Variants in SMC5 observed in about 807,000 individuals in gnomAD.
SMC5 encodes the protein structural maintenance of chromosomes protein 5.
A neutral mutation model predicts 148.3 loss-of-function variants in SMC5; 88 were observed. That is an observed-to-expected ratio of 0.59 (90% confidence interval 0.50 to 0.71). SMC5 has a LOEUF of 0.71. SMC5 is among the 30% of genes least tolerant of loss of function. The pLI is 0.00. For missense variants in SMC5, 1,142 were observed against 1,298.9 expected, an observed-to-expected ratio of 0.88 and a Z score of 1.86; for synonymous variants, 421 against 432.8, an observed-to-expected ratio of 0.97 and a Z score of 0.34.
At chr9:70,291,503 C>T (rs1372937115) in intron 8 of SMC5, among the ~76,000 whole-genome samples, 1 of 152,178 alleles carries the variant, frequency 6.6e-6, no homozygotes, top group African/African-American at 2.4e-5. Flanking sequence ...GCACACAGTC[C>T]TGCTAATGCA....
intron 11 of SMC5, chr9:70,312,135 A>C (rs1194983695): frequency 6.5e-6 from 1 of 153,626 alleles, no homozygotes; most frequent in Non-Finnish European, 1.4e-5. Flanking sequence ...AAAAAAAAAA[A>C]AAAAAAAAAA....
At chr9:70,341,788 G>A (rs1343952164) in intron 17 of SMC5, among the ~76,000 whole-genome samples, 2 of 152,078 alleles carry the variant, frequency 1.3e-5, no homozygotes, top group African/African-American at 4.8e-5. Flanking sequence ...TACACTGTTG[G>A]TGGGACTGTA....
At chr9:70,346,414 A>T (rs1167076613) in intron 18 of SMC5, 191 bp from the exon 19 acceptor site, 1 of 606,832 alleles carries the variant, frequency 1.6e-6, no homozygotes, top group East Asian at 2.8e-5. Flanking sequence ...CCTCCCCTCA[A>T]AAAAAAAAGT....
intron 17 of SMC5, among the ~76,000 whole-genome samples, chr9:70,328,034 C>T (rs1397733443): frequency 6.6e-6 from 1 of 152,132 alleles, no homozygotes; most frequent in Non-Finnish European, 1.5e-5. Flanking sequence ...CTTGTGAGAA[C>T]TCACTATCAC....
intron 17 of SMC5, among the ~76,000 whole-genome samples, chr9:70,324,982 C>A (rs1241881157): frequency 6.6e-6 from 1 of 152,094 alleles, no homozygotes; most frequent in Admixed American, 6.6e-5. Context: ...AACCAGTGGG[C>A]CCTACCAGGC....
rs778003437 is a variant in SMC5 at position 70,259,037 on chromosome 9, C to A, written c.-42C>A. Reference sequence around the variant, plus strand: ...GCGCTTGGGCGCCTGGGCTGCCGGACGGTGGGAACGGAAGTCGCTGTGGGA... The same window carrying A: ...GCGCTTGGGCGCCTGGGCTGCCGGAAGGTGGGAACGGAAGTCGCTGTGGGA... On this transcript the variant is annotated 5_prime_UTR_variant, in exon 1 of 25. Transcript: ENST00000361138. 13 of 1,547,190 alleles carry A rather than the reference C, an allele frequency of 8.4e-6. No homozygotes were observed. Among genetic ancestry groups the A allele is most frequent in the Non-Finnish European group, 1.1e-5 (13 of 1,145,388 alleles).
At chr9:70,349,936 G>T (rs180699947) in intron 22 of SMC5, among the ~76,000 whole-genome samples, 178 bp from the exon 23 acceptor site, 1 of 151,930 alleles carries the variant, frequency 6.6e-6, no homozygotes, top group Admixed American at 6.6e-5. Flanking sequence ...GATAGTAACT[G>T]TTTGCTTAAT....
chr9:70,297,932 AG>A, intron 8 of SMC5, 33 bp from the exon 9 acceptor site: 1 of 1,582,200 alleles, frequency 6.3e-7, no homozygotes. Context: ...AGAGGAAAAC[AG>A]TCTCAAGTAC....
In SMC5 at chr9:70,354,325, A is replaced by T. The variant is rs2036862127; in HGVS notation, c.*1994A>T. The T allele has an allele frequency of 1.3e-5, 2 of 152,452 alleles. No individual in the cohort carries two copies. Among genetic ancestry groups the T allele is most frequent in the African/African-American group, 4.8e-5 (2 of 41,436 alleles). The allele number at this position is 152,452 out of a possible 1,614,324, so 9.4% of individuals were successfully genotyped here. A position where few individuals can be genotyped will look rare whatever the true frequency, so the allele number is the denominator to read the frequency against. ...ACTGCAACCTCCGCCTCCCGGGTTC[A>T]AGCGATTCTCCTGCCTCAGCCTCCC... On this transcript the variant is annotated 3_prime_UTR_variant, in exon 25 of 25. Transcript: ENST00000361138.
chr9:70,342,050 T>C (rs983758491), intron 17 of SMC5, among the ~76,000 whole-genome samples: 25 of 150,620 alleles, frequency 1.7e-4, no homozygotes, highest in Admixed American at 6.6e-5. Flanking sequence ...CATGGAATAC[T>C]ATGCAGCCAT....
chr9:70,272,727 C>T (rs1273099789), intron 3 of SMC5, among the ~76,000 whole-genome samples: 2 of 152,116 alleles, frequency 1.3e-5, no homozygotes, highest in Non-Finnish European at 2.9e-5. Flanking sequence ...GTTCTAAGAA[C>T]GTATCTGCTA....
rs1326083670 is a variant in SMC5 at position 70,324,025 on chromosome 9, G to A, written c.2279G>A (p.Cys760Tyr). Residue 760 changes from cysteine (C) to tyrosine (Y), a missense_variant, in exon 17 of 25, where the codon TGT becomes TAT. Transcript: ENST00000361138. ...VTELTNLIKI[C>Y]TSLHIQKVDL... Reference sequence around the variant, plus strand: ...CTTAGGGGTTTTTGTTCCTAGATTTGTACTTCTTTGCATATACAAAAAGTA... The same window carrying A: ...CTTAGGGGTTTTTGTTCCTAGATTTATACTTCTTTGCATATACAAAAAGTA... 13 of 1,554,838 alleles carry A rather than the reference G, an allele frequency of 8.4e-6. No individual in the cohort carries two copies. Among genetic ancestry groups the A allele is most frequent in the Non-Finnish European group, 1.1e-5 (13 of 1,158,894 alleles).
intron 15 of SMC5, among the ~76,000 whole-genome samples, chr9:70,320,667 A>G (rs2035920540): frequency 6.6e-6 from 1 of 152,176 alleles, no homozygotes; most frequent in Non-Finnish European, 1.5e-5. Context: ...TGGAATCCTT[A>G]GGGAGTCCTG....
Position 70,324,155 on chromosome 9 carries a change from G to A in SMC5, c.2397+12G>A, listed in dbSNP as rs762883716. The stretch of plus-strand genomic sequence containing the variant: ...TCCGTCTTACAGAGGTAAAATTTTT[G>A]CCTTTACTTTTTATTTTGAGGTTCT... On this transcript the variant is annotated intron_variant, in intron 17 of 24. Transcript: ENST00000361138. The A allele has an allele frequency of 3.2e-6, 5 of 1,577,562 alleles. No individual in the cohort carries two copies. The highest frequency in any genetic ancestry group is 2.8e-5 in the African/African-American group (2 of 72,372).
chr9:70,286,174 C>A, intron 7 of SMC5, 26 bp from the exon 8 acceptor site: 4 of 1,389,990 alleles, frequency 2.9e-6, no homozygotes, highest in Non-Finnish European at 4.1e-6. Flanking sequence ...TAGCTGTCCC[C>A]CCCTCTCCCC....
chr9:70,293,291 G>C (rs749864281), intron 8 of SMC5, among the ~76,000 whole-genome samples: 1 of 151,964 alleles, frequency 6.6e-6, no homozygotes, highest in African/African-American at 2.4e-5. Context: ...AGAATCTGCA[G>C]TGATAACCCT....
chr9:70,316,537 C>T (rs1030921890), intron 13 of SMC5, among the ~76,000 whole-genome samples: 4 of 152,126 alleles, frequency 2.6e-5, no homozygotes, highest in African/African-American at 9.6e-5. Flanking sequence ...GGGTATACTA[C>T]TCTTTTTTCT....
intron 8 of SMC5, among the ~76,000 whole-genome samples, chr9:70,296,212 G>A (rs1373477325): frequency 6.6e-6 from 1 of 152,140 alleles, no homozygotes. Context: ...TATTTTGCAA[G>A]GACATGAGGG....
intron 10 of SMC5, among the ~76,000 whole-genome samples, chr9:70,300,653 T>A (rs1184066289): frequency 6.6e-6 from 1 of 152,134 alleles, no homozygotes; most frequent in African/African-American, 2.4e-5. Context: ...AATACCTTAT[T>A]GACATCATAA....
Sources: allele counts gnomAD v4.1 joint callset (sites outside exome capture counted in the v4.1 genomes callset), GRCh38; gene constraint gnomAD v4.1.1; transcripts MANE v1.5; gene names NCBI Gene and HGNC (gene_info 2026-07-23, HGNC 2026-07-21).